The following MEMO1 variants were observed in gnomAD, a reference collection of about 807,000 sequenced individuals.
The protein encoded by MEMO1 is protein MEMO1.
MEMO1 carries 6 observed loss-of-function variants against 45.2 expected under a neutral mutation model. The ratio of observed to expected loss-of-function variants is 0.13; its 90% CI spans 0.07 to 0.26. The LOEUF (loss-of-function observed/expected upper bound fraction) is 0.26, where lower values mean the gene tolerates loss of function less well. Among genes scored for constraint, MEMO1 ranks in the 10% least tolerant of loss-of-function variants. The pLI is 1.00. For synonymous variants in MEMO1, 78 were observed against 124.3 expected, an observed-to-expected ratio of 0.63 and a Z score of 2.48; for missense variants, 184 against 370.5, an observed-to-expected ratio of 0.50 and a Z score of 4.13.
Position 31,994,352 on chromosome 2 carries a change from G to A in MEMO1, c.61+15835C>T, listed in dbSNP as rs180873218. 1.3e-3 allele frequency among the ~76,000 whole-genome samples: 196 copies of A among 151,876 alleles called. 1 individual carries two copies. Among genetic ancestry groups the A allele is most frequent in the African/African-American group, 4.5e-3 (186 of 41,444 alleles). On this transcript the variant is annotated intron_variant, in intron 2 of 9. Transcript: ENST00000404530. ...TCCAATAAAAATTAATAGAGAGGTC[G>A]GGCGTGGTGGCTCACACCTGTAATC... is the stretch of plus-strand genomic sequence containing the variant.
At chr2:31,882,059 G>A (rs146533390) in intron 8 of MEMO1, among the ~76,000 whole-genome samples, 198 of 151,920 alleles carry the variant, frequency 1.3e-3, no homozygotes, top group African/African-American at 4.2e-3. Flanking sequence ...TGGGAGAATC[G>A]CTTGAGCCCG....
intron 4 of MEMO1, among the ~76,000 whole-genome samples, chr2:31,928,386 T>TA (rs771093998): frequency 4.0e-5 from 6 of 151,810 alleles, no homozygotes; most frequent in Admixed American, 6.6e-5. Context: ...CTACTAAAAA[T>TA]AAAAAAATTA....
rs563583011 is a variant in MEMO1, at chr2:31,913,972, T to C, written c.437+3954A>G. 1.5e-4 allele frequency among the ~76,000 whole-genome samples: 23 copies of C among 152,268 alleles called. No individual in the cohort carries two copies. In the South Asian group the frequency reaches 4.8e-3, roughly 32 times the overall value. On this transcript the variant is annotated intron_variant, in intron 6 of 9. Transcript: ENST00000404530. ...GCTGTGCCAGTTCTAGACTTCGATA[T>C]TAAGAGGGCTGGAAATTTCTACTTT...
At chr2:31,957,613 A>G (rs1000444132) in intron 2 of MEMO1, among the ~76,000 whole-genome samples, 2 of 152,234 alleles carry the variant, frequency 1.3e-5, no homozygotes, top group African/African-American at 4.8e-5. Context: ...ATCACCAAAT[A>G]TCTGGTAGAA....
chr2:31,993,203 C>T (rs1268460363), intron 2 of MEMO1, among the ~76,000 whole-genome samples: 1 of 152,076 alleles, frequency 6.6e-6, no homozygotes, highest in Non-Finnish European at 1.5e-5. Context: ...TGAAAACATG[C>T]TCAACCTCAC....
intron 8 of MEMO1, among the ~76,000 whole-genome samples, chr2:31,875,198 T>C (rs990920613): frequency 6.6e-6 from 1 of 152,200 alleles, no homozygotes; most frequent in Non-Finnish European, 1.5e-5. Context: ...ATACTCAATA[T>C]TTATTCAGAA....
intron 2 of MEMO1, among the ~76,000 whole-genome samples, chr2:31,960,146 G>A (rs1016022860): frequency 1.7e-4 from 25 of 150,490 alleles, no homozygotes; most frequent in South Asian, 1.5e-3. Context: ...GCAGTGAGTC[G>A]ATATCACGCC....
At chr2:31,906,362 C>T (rs568924979) in intron 6 of MEMO1, among the ~76,000 whole-genome samples, 1 of 151,666 alleles carries the variant, frequency 6.6e-6, no homozygotes, top group South Asian at 2.1e-4. Context: ...CTCGCCCTGT[C>T]GCCCAGGCTG....
intron 6 of MEMO1, among the ~76,000 whole-genome samples, chr2:31,916,784 G>A (rs1681513764): frequency 2.0e-5 from 3 of 152,082 alleles, no homozygotes; most frequent in Admixed American, 2.0e-4. Context: ...AATTCCTCAT[G>A]GTTATCATTG....
chr2:31,974,854 A>C (rs893726608), intron 2 of MEMO1, among the ~76,000 whole-genome samples: 1 of 152,146 alleles, frequency 6.6e-6, no homozygotes, highest in Admixed American at 6.6e-5. Context: ...TTCTTAAGCC[A>C]TAAGAGGAAT....
At chr2:31,945,931 A>ATGTATGTAATGGGTTACATCCACTTGGC (rs1666141187) in intron 2 of MEMO1, among the ~76,000 whole-genome samples, 2 of 152,228 alleles carry the variant, frequency 1.3e-5, no homozygotes, top group Non-Finnish European at 2.9e-5. Context: ...TCTTGAGAAC[A>ATGTATGTAATGGGTTACATCCACTTGGC]TGTATGTAAT....
At chr2:31,989,672 CTTGA>C (rs1471857604) in intron 2 of MEMO1, among the ~76,000 whole-genome samples, 1 of 152,176 alleles carries the variant, frequency 6.6e-6, no homozygotes, top group African/African-American at 2.4e-5. Flanking sequence ...AAAGGTACAT[CTTGA>C]TTGTGTTGAC....
At chr2:31,893,043 C>T (rs923089476) in intron 6 of MEMO1, among the ~76,000 whole-genome samples, 1 of 152,090 alleles carries the variant, frequency 6.6e-6, no homozygotes, top group African/African-American at 2.4e-5. Context: ...TTGTTCTCAA[C>T]AGGACCTTTT....
chr2:31,902,976 G>A (rs1390216301), intron 6 of MEMO1, among the ~76,000 whole-genome samples: 3 of 151,678 alleles, frequency 2.0e-5, no homozygotes, highest in African/African-American at 7.3e-5. Flanking sequence ...CACGCGATAA[G>A]AAAACATTAT....
At chr2:31,938,620 C>A (rs917435610) in intron 3 of MEMO1, among the ~76,000 whole-genome samples, 3 of 151,342 alleles carry the variant, frequency 2.0e-5, no homozygotes, top group African/African-American at 4.9e-5. Context: ...TGCACTCCAG[C>A]CTGGGTGACA....
chr2:31,886,973 A>G (rs1347899644), intron 7 of MEMO1, among the ~76,000 whole-genome samples: 1 of 152,182 alleles, frequency 6.6e-6, no homozygotes, highest in Non-Finnish European at 1.5e-5. Flanking sequence ...AGTTCTTTTC[A>G]AATTCAAAAG....
At chr2:31,930,044 G>A (rs966713332) in intron 4 of MEMO1, among the ~76,000 whole-genome samples, 3 of 152,332 alleles carry the variant, frequency 2.0e-5, no homozygotes, top group East Asian at 1.9e-4. Context: ...CGGATCACCC[G>A]CAGTCAGGAA....
chr2:31,939,832 T>C (rs911559648), intron 3 of MEMO1, among the ~76,000 whole-genome samples: 3 of 152,176 alleles, frequency 2.0e-5, no homozygotes, highest in Admixed American at 6.6e-5. Context: ...TTTCTCTGTT[T>C]TACAGCAAAA....
intron 6 of MEMO1, among the ~76,000 whole-genome samples, chr2:31,900,577 T>C (rs559302724): frequency 2.0e-5 from 3 of 152,140 alleles, no homozygotes; most frequent in East Asian, 3.9e-4. Flanking sequence ...AGATATCTAA[T>C]GTAGATGATG....
Sources: allele counts gnomAD v4.1 joint callset (sites outside exome capture counted in the v4.1 genomes callset), GRCh38; gene constraint gnomAD v4.1.1; transcripts MANE v1.5; gene names NCBI Gene and HGNC (gene_info 2026-07-23, HGNC 2026-07-21).